Variants in WNT5B observed in about 807,000 individuals in gnomAD.
WNT5B encodes protein Wnt-5b.
In WNT5B, 18 loss-of-function variants were observed where a neutral mutation model predicts 36.5. The observed-to-expected ratio is 0.49, with a 90% confidence interval of 0.34 to 0.73. WNT5B has a LOEUF of 0.73. Ranked by LOEUF, WNT5B falls within the 30% of genes least tolerant of loss-of-function variation. The pLI is 0.01. For synonymous variants in WNT5B, 213 were observed against 212.3 expected, an observed-to-expected ratio of 1.00 and a Z score of -0.03; for missense variants, 424 against 508.4, an observed-to-expected ratio of 0.83 and a Z score of 1.60.
At position 1,632,654 on chromosome 12, in the gene WNT5B, C is replaced by G. The variant is rs773499297; in HGVS notation, c.81-4C>G. The G allele has an allele frequency of 6.3e-7, 1 of 1,598,796 alleles. No individual in the cohort carries two copies. Among genetic ancestry groups the G allele is most frequent in the South Asian group, 1.1e-5 (1 of 90,666 alleles). ...TTTTTCCCCTTTCTGGATTGCTGTC[C>G]TAGGTCATTAGCTTTGAACCCGGTG... On this transcript the variant is annotated splice_region_variant and splice_polypyrimidine_tract_variant and intron_variant, in intron 2 of 4. Transcript: ENST00000397196. The surrounding 1 kb of genome is among the most constrained non-coding windows in gnomAD (Gnocchi z 5.8).
In WNT5B at chr12:1,632,625, C is replaced by T; in HGVS notation, c.81-33C>T. On this transcript the variant is annotated intron_variant, in intron 2 of 4. Transcript: ENST00000397196. This position sits in a 1 kb window ranked among gnomAD's most constrained non-coding sequence, Gnocchi z 5.8. The stretch of plus-strand genomic sequence containing the variant: ...ACACAGGCGTATGCTCACTCCTGGG[C>T]CTTTTTTTCCCCTTTCTGGATTGCT... The T allele has an allele frequency of 5.1e-6, 8 of 1,579,206 alleles. No individual in the cohort carries two copies. The highest frequency in any genetic ancestry group is 6.9e-6 in the Non-Finnish European group (8 of 1,155,910).
intron 1 of WNT5B, among the ~76,000 whole-genome samples, chr12:1,619,689 C>A (rs1341917304): frequency 6.6e-6 from 1 of 152,064 alleles, no homozygotes; most frequent in Non-Finnish European, 1.5e-5. Flanking sequence ...TTTGCCATAT[C>A]CTCATTTCCT....
In WNT5B at chr12:1,631,324, C is replaced by T; in HGVS notation, c.-31C>T. The T allele has an allele frequency of 6.2e-7, 1 of 1,613,362 alleles. No homozygotes were observed. The highest frequency in any genetic ancestry group is 2.2e-5 in the East Asian group (1 of 44,868). ...GAACCCTACTCTGGAAACTGTCAGTCCCAGGGCACTGGGGAGGGCTGAGGC... is the reference window on the plus strand; with the variant it reads ...GAACCCTACTCTGGAAACTGTCAGTTCCAGGGCACTGGGGAGGGCTGAGGC... On this transcript the variant is annotated 5_prime_UTR_variant, in exon 2 of 5. Coordinates refer to ENST00000397196, the MANE Select transcript of WNT5B (RefSeq NM_032642.3).
At chr12:1,620,003 A>G (rs371502914) in intron 1 of WNT5B, among the ~76,000 whole-genome samples, 1 of 152,256 alleles carries the variant, frequency 6.6e-6, no homozygotes, top group South Asian at 2.1e-4. Context: ...TATAATATAT[A>G]AAGACCTTCA....
At chr12:1,641,317 C>T (rs1323480680) in intron 4 of WNT5B, among the ~76,000 whole-genome samples, 9 of 145,776 alleles carry the variant, frequency 6.2e-5, no homozygotes, top group African/African-American at 2.3e-4. Context: ...ACCTGGGAGG[C>T]GGAGGCTGCA....
rs765799904 is a variant in WNT5B at position 1,646,041 on chromosome 12, G to A, written c.869G>A (p.Arg290His). 1.5e-5 allele frequency: 25 copies of A among 1,613,266 alleles called. No individual in the cohort carries two copies. In the South Asian group the frequency reaches 2.4e-4, roughly 16 times the overall value. The stretch of plus-strand genomic sequence containing the variant: ...GACCCCAGCCCCGACTACTGCCTGC[G>A]CAACGAGAGCACGGGCTCCCTGGGC... ...YVDPSPDYCL[R>H]NESTGSLGTQ... Residue 290 changes from arginine to histidine, a missense_variant, in exon 5 of 5, where the codon CGC becomes CAC. Coordinates refer to ENST00000397196, the MANE Select transcript of WNT5B (RefSeq NM_032642.3).
In WNT5B at chr12:1,645,844, G is replaced by T. The variant is rs1183335239; in HGVS notation, c.672G>T (p.Gly224=). 6 of 1,608,452 alleles carry T rather than the reference G, an allele frequency of 3.7e-6. No homozygotes were observed. Among genetic ancestry groups the T allele is most frequent in the Non-Finnish European group, 5.1e-6 (6 of 1,176,784 alleles). ...CCTGCAAATGCCACGGCGTCTCGGGGTCCTGCAGCCTCAAGACCTGCTGGC... is the reference window on the plus strand; with the variant it reads ...CCTGCAAATGCCACGGCGTCTCGGGTTCCTGCAGCCTCAAGACCTGCTGGC... The part of the protein sequence containing the change: ...DVACKCHGVS[G]SCSLKTCWLQ... Residue 224 remains glycine (G), a synonymous_variant, in exon 5 of 5, where the codon GGG becomes GGT. Transcript: ENST00000397196.
intron 1 of WNT5B, among the ~76,000 whole-genome samples, chr12:1,622,107 C>CT (rs35497935): frequency 0.03 from 2,988 of 99,058 alleles, 98 homozygotes; most frequent in Middle Eastern, 0.07. Flanking sequence ...TCTGACACTT[C>CT]TTTTTTTTTT....
chr12:1,631,252 T>C (rs2094550200), intron 1 of WNT5B, 46 bp from the exon 2 acceptor site: 12 of 1,546,856 alleles, frequency 7.8e-6, no homozygotes, highest in Non-Finnish European at 1.1e-5. Flanking sequence ...GGTCTGCCCT[T>C]ATCCGCTGAG....
upstream of WNT5B, among the ~76,000 whole-genome samples, chr12:1,625,256 T>C (rs2094539475): frequency 6.6e-6 from 1 of 152,218 alleles, no homozygotes; most frequent in African/African-American, 2.4e-5. Context: ...AAACTGGTAT[T>C]GTGTCTATGT....
chr12:1,639,920 T>C lies in WNT5B; in HGVS notation c.565T>C (p.Ser189Pro). Residue 189 changes from serine (S) to proline (P), a missense_variant, in exon 4 of 5, where the codon TCA becomes CCA. Physicochemically the swap from Ser to Pro is moderately conservative, Grantham distance 74 (BLOSUM62 -1). Coordinates refer to ENST00000397196, the MANE Select transcript of WNT5B (RefSeq NM_032642.3). ...REREKNFAKG[S>P]EEQGRVLMNL... Reference sequence around the variant, plus strand: ...GCGAGAGAAGAACTTTGCCAAAGGATCAGAGGAGCAGGGCCGGGTGCTCAT... The same window carrying C: ...GCGAGAGAAGAACTTTGCCAAAGGACCAGAGGAGCAGGGCCGGGTGCTCAT... 1 of 1,613,984 alleles carries C rather than the reference T, an allele frequency of 6.2e-7. No individual in the cohort carries two copies. Among genetic ancestry groups the C allele is most frequent in the Non-Finnish European group, 8.5e-7 (1 of 1,179,950 alleles).
intron 3 of WNT5B, among the ~76,000 whole-genome samples, chr12:1,639,037 C>G (rs773636422): frequency 6.6e-6 from 1 of 152,162 alleles, no homozygotes; most frequent in Non-Finnish European, 1.5e-5. Flanking sequence ...GCCTATTCTC[C>G]CCTCCGCTGA....
Position 1,630,038 on chromosome 12 carries a change from T to C in WNT5B, c.-58+667T>C. Reference sequence around the variant, plus strand: ...CGAGAAGGAAAATCAAAAGGGGGCTTGGGGAAGGGCTGTGTCCCAGCTCTC... The same window carrying C: ...CGAGAAGGAAAATCAAAAGGGGGCTCGGGGAAGGGCTGTGTCCCAGCTCTC... On this transcript the variant is annotated intron_variant, in intron 1 of 4. Coordinates refer to ENST00000397196, the MANE Select transcript of WNT5B (RefSeq NM_032642.3). The surrounding 1 kb of genome is among the most constrained non-coding windows in gnomAD (Gnocchi z 5.3). 1.2e-6 allele frequency: 1 copy of C among 829,000 alleles called. No homozygotes were observed. 51.4% of individuals were successfully genotyped at this position (829,000 alleles called of 1,614,324 possible).
intron 1 of WNT5B, among the ~76,000 whole-genome samples, chr12:1,623,184 G>GTTTTTTTTTTTT (rs1555156800): frequency 3.0e-4 from 16 of 53,506 alleles, no homozygotes; most frequent in Non-Finnish European, 4.2e-4. Context: ...AGGGTTTTTT[G>GTTTTTTTTTTTT]TTGTTTTTTT....
chr12:1,625,318 G>A (rs1197212480), upstream of WNT5B, among the ~76,000 whole-genome samples: 2 of 152,206 alleles, frequency 1.3e-5, no homozygotes, highest in Non-Finnish European at 1.5e-5. Context: ...GATGCCAGAA[G>A]GGTGAGTACT....
At chr12:1,641,799 A>G (rs946749447) in intron 4 of WNT5B, among the ~76,000 whole-genome samples, 36 of 152,372 alleles carry the variant, frequency 2.4e-4, no homozygotes, top group African/African-American at 8.4e-4. Context: ...CTGTCTCAGA[A>G]AAAAATAGAA....
chr12:1,632,910 G>T lies in WNT5B; in HGVS notation c.328+5G>T. 6.2e-7 allele frequency: 1 copy of T among 1,604,038 alleles called. No individual in the cohort carries two copies. On this transcript the variant is annotated splice_donor_5th_base_variant and intron_variant, in intron 3 of 4. Coordinates refer to ENST00000397196, the MANE Select transcript of WNT5B (RefSeq NM_032642.3). The surrounding 1 kb of genome is among the most constrained non-coding windows in gnomAD (Gnocchi z 5.8). Reference sequence around the variant, plus strand: ...TTGGGAGAGTCATGCAGATAGGTAAGAGGCCATTACAAGAGGGCTCGGCCA... The same window carrying T: ...TTGGGAGAGTCATGCAGATAGGTAATAGGCCATTACAAGAGGGCTCGGCCA...
chr12:1,643,995 C>T (rs1215096668), intron 4 of WNT5B, among the ~76,000 whole-genome samples: 1 of 152,086 alleles, frequency 6.6e-6, no homozygotes, highest in Non-Finnish European at 1.5e-5. Context: ...ACTCTCCTTC[C>T]CCAACTCTGT....
At chr12:1,623,441 C>T (rs1023488189) in intron 1 of WNT5B, among the ~76,000 whole-genome samples, 9 of 151,828 alleles carry the variant, frequency 5.9e-5, no homozygotes, top group African/African-American at 1.7e-4. Flanking sequence ...GTGATCCGCC[C>T]GCCTCGGCCT....
Sources: gnomAD v4.1 joint callset for allele counts (sites outside exome capture counted in the v4.1 genomes callset) on GRCh38, gnomAD v4.1.1 for gene constraint, Gnocchi (gnomAD v3.1) non-coding constraint, MANE v1.5 for transcripts, NCBI Gene and HGNC (gene_info 2026-07-23, HGNC 2026-07-21) for gene names.